The following PLEKHG1 variants were observed in gnomAD, a reference collection of about 807,000 sequenced individuals.
PLEKHG1 encodes pleckstrin homology and RhoGEF domain containing G1, also known as pleckstrin homology domain-containing family G member 1.
A neutral mutation model predicts 100.8 loss-of-function variants in PLEKHG1; 44 were observed. That is an observed-to-expected ratio of 0.44 (90% CI 0.34 to 0.56). PLEKHG1 has a LOEUF of 0.56. Among genes scored for constraint, PLEKHG1 ranks in the 20% least tolerant of loss-of-function variants. PLEKHG1 has a pLI of 0.01. For synonymous variants in PLEKHG1, 640 were observed against 662.5 expected (o/e 0.97, Z 0.52); for missense variants, 1,545 against 1,720.9 (o/e 0.90, Z 1.81).
chr6:150,831,814 G>T lies in PLEKHG1; in HGVS notation c.2703G>T (p.Thr901=), dbSNP rs372363017. Reference sequence around the variant, plus strand: ...TGCCTGAGAGCCAGGCTCTCCTCACGCCCGTGAAGAGCAGGGCTGGCAGAG... The same window carrying T: ...TGCCTGAGAGCCAGGCTCTCCTCACTCCCGTGAAGAGCAGGGCTGGCAGAG... Residue 901 remains threonine (T), a synonymous_variant, in exon 15 of 16, where the codon ACG becomes ACT. Coordinates refer to ENST00000358517, the Ensembl canonical transcript of PLEKHG1. The surrounding 1 kb of genome is among the most constrained non-coding windows in gnomAD (Gnocchi z 4.1). 103 of 1,612,314 alleles carry T rather than the reference G, an allele frequency of 6.4e-5. 1 individual carries two copies. In the South Asian group the frequency reaches 1.1e-3, roughly 17 times the overall value.
intron 7 of PLEKHG1, among the ~76,000 whole-genome samples, chr6:150,807,207 A>G (rs1382859344): frequency 6.6e-6 from 1 of 152,250 alleles, no homozygotes; most frequent in African/African-American, 2.4e-5. Flanking sequence ...ACTTTATCAT[A>G]GGTATGTATT....
chr6:150,720,303 G>A (rs1781612240), upstream of PLEKHG1, among the ~76,000 whole-genome samples: 1 of 152,048 alleles, frequency 6.6e-6, no homozygotes. Flanking sequence ...AGGACTGGTG[G>A]TCTTAGAGAA....
chr6:150,693,962 C>T (rs1055438110), intron 3 of PLEKHG1, among the ~76,000 whole-genome samples: 4 of 152,162 alleles, frequency 2.6e-5, no homozygotes, highest in African/African-American at 7.2e-5. Flanking sequence ...CCAGCCAAGT[C>T]GGTACAGGCT....
At chr6:150,829,484 G>A (rs1776791636) in intron 14 of PLEKHG1, among the ~76,000 whole-genome samples, 1 of 152,104 alleles carries the variant, frequency 6.6e-6, no homozygotes, top group African/African-American at 2.4e-5. Context: ...CAGGCGTGGT[G>A]GCGGGCACCT....
intron 1 of PLEKHG1, among the ~76,000 whole-genome samples, chr6:150,613,391 C>G (rs752256895): frequency 4.0e-5 from 6 of 148,272 alleles, no homozygotes; most frequent in Non-Finnish European, 7.5e-5. Context: ...AAAACAGAGA[C>G]TTTGTGTGGC....
chr6:150,826,429 GC>G (rs1776613890), intron 14 of PLEKHG1, among the ~76,000 whole-genome samples: 1 of 152,192 alleles, frequency 6.6e-6, no homozygotes, highest in Non-Finnish European at 1.5e-5. Context: ...CTGTACTTTA[GC>G]CTGGGCAACA....
intron 10 of PLEKHG1, among the ~76,000 whole-genome samples, chr6:150,811,769 G>C (rs1229769067): frequency 6.6e-6 from 1 of 152,174 alleles, no homozygotes; most frequent in African/African-American, 2.4e-5. Flanking sequence ...CCCCTGGAGG[G>C]CTGTGAGCAT....
At chr6:150,809,464 G>C (rs1429791301) in exon 9 of PLEKHG1, 1 of 1,613,402 alleles carries the variant, frequency 6.2e-7, no homozygotes, top group African/African-American at 1.3e-5. Context: ...CCAAGCTGCA[G>C]CACACAGTCC....
At chr6:150,806,278 A>G (rs1409774766) in intron 7 of PLEKHG1, among the ~76,000 whole-genome samples, 1 of 132,462 alleles carries the variant, frequency 7.5e-6, no homozygotes, top group African/African-American at 2.8e-5. Context: ...ATACTTTATC[A>G]TACAAGTGTT....
chr6:150,715,184 A>T (rs1440556759), intron 3 of PLEKHG1, among the ~76,000 whole-genome samples: 2 of 152,252 alleles, frequency 1.3e-5, no homozygotes, highest in South Asian at 2.1e-4. Flanking sequence ...TTTAGAAATA[A>T]TTTTTTTTAA....
chr6:150,691,875 A>C (rs1006089181), intron 3 of PLEKHG1, among the ~76,000 whole-genome samples: 52 of 152,250 alleles, frequency 3.4e-4, no homozygotes, highest in African/African-American at 1.2e-3. Context: ...TTGGGGAGCC[A>C]TTGGAGAGAA....
chr6:150,813,162 A>G (rs568637673), intron 10 of PLEKHG1, among the ~76,000 whole-genome samples: 104 of 152,044 alleles, frequency 6.8e-4, no homozygotes, highest in Admixed American at 1.6e-3. Flanking sequence ...AAAATTAGCT[A>G]GGCGTGGTGG....
chr6:150,832,646 A>G (rs809734), intron 15 of PLEKHG1, among the ~76,000 whole-genome samples: 87,032 of 149,850 alleles, frequency 0.58, 27,229 homozygotes, highest in Non-Finnish European at 0.68. Context: ...AAAAATGCCA[A>G]CTCGTGCTAA....
At position 150,681,873 on chromosome 6, in the gene PLEKHG1, C is replaced by T. The variant is rs574482005; in HGVS notation, c.-99+31087C>T. 3.3e-5 allele frequency among the ~76,000 whole-genome samples: 5 copies of T among 152,260 alleles called. No homozygotes were observed. In the South Asian group the frequency reaches 6.2e-4, roughly 19 times the overall value. ...TTGAGTACAGAATGGAATTTGCAGC[C>T]GCTGATGAAGTATGGCTGAATGCTC... is the stretch of plus-strand genomic sequence containing the variant. On this transcript the variant is annotated intron_variant, in intron 3 of 3. Transcript: ENST00000367326.
At chr6:150,641,876 C>CA (rs71554473) in intron 2 of PLEKHG1, among the ~76,000 whole-genome samples, 27,818 of 76,926 alleles carry the variant, frequency 0.36, 4,453 homozygotes, top group East Asian at 0.47. Flanking sequence ...TGTGAAAAGG[C>CA]AAAAAAAAAA....
At chr6:150,813,347 T>C (rs1185764550) in intron 10 of PLEKHG1, among the ~76,000 whole-genome samples, 2 of 148,930 alleles carry the variant, frequency 1.3e-5, no homozygotes, top group African/African-American at 4.9e-5. Flanking sequence ...TAGAGATGAC[T>C]AGAATAGCCT....
At chr6:150,732,237 T>A (rs1782307204) in intron 1 of PLEKHG1, among the ~76,000 whole-genome samples, 1 of 152,190 alleles carries the variant, frequency 6.6e-6, no homozygotes, top group African/African-American at 2.4e-5. Context: ...TGCCATTTTC[T>A]CATAATTGTT....
At position 150,629,867 on chromosome 6, in the gene PLEKHG1, C is replaced by A. The variant is rs148930461; in HGVS notation, c.-203-8213C>A. On this transcript the variant is annotated intron_variant, in intron 1 of 3. Transcript: ENST00000367326. ...ATAATGATAATTAGTTATCTTTGAA[C>A]TTTCATACTTTGATTTTTATTTTAT... is the stretch of plus-strand genomic sequence containing the variant. 6.7e-3 allele frequency among the ~76,000 whole-genome samples: 1,026 copies of A among 152,130 alleles called. 17 individuals carry two copies. Among genetic ancestry groups the A allele is most frequent in the African/African-American group, 0.023 (964 of 41,500 alleles).
rs1007258696 is a variant in PLEKHG1 at position 150,819,714 on chromosome 6, A to G, written c.1348A>G (p.Thr450Ala). ...CTTCTGTTACAGTCCTGAGGGAGGG[A>G]CGAAAGCACTGTTCGGCTCTAAAGA... The change falls in exon 12 of 16, where the codon ACG (threonine) becomes GCG (alanine). Residue 450 changes from threonine to alanine, a missense_variant. Coordinates refer to ENST00000358517, the Ensembl canonical transcript of PLEKHG1. The G allele has an allele frequency of 1.9e-6, 3 of 1,612,504 alleles. No individual in the cohort carries two copies. Among genetic ancestry groups the G allele is most frequent in the Admixed American group, 3.3e-5 (2 of 60,014 alleles).
Sources: allele counts gnomAD v4.1 joint callset (sites outside exome capture counted in the v4.1 genomes callset), GRCh38; gene constraint gnomAD v4.1.1; non-coding constraint Gnocchi (gnomAD v3.1); transcripts MANE v1.5; gene names NCBI Gene and HGNC (gene_info 2026-07-23, HGNC 2026-07-21).